The following COL27A1 variants were observed in gnomAD, a reference collection of about 807,000 sequenced individuals.
The protein encoded by COL27A1 is collagen alpha-1(XXVII) chain.
Under a neutral mutation model 251.3 loss-of-function variants are expected in COL27A1, and 106 were observed. The ratio of observed to expected loss-of-function variants is 0.42; its 90% CI spans 0.36 to 0.50. The LOEUF is 0.50. COL27A1 is among the 20% of genes least tolerant of loss of function. The pLI is 0.00. For synonymous variants in COL27A1, 1,000 were observed against 986.3 expected, an observed-to-expected ratio of 1.01 and a Z score of -0.26; for missense variants, 2,325 against 2,522.8, an observed-to-expected ratio of 0.92 and a Z score of 1.68.
chr9:114,211,292 A>G (rs1324848789), intron 12 of COL27A1, among the ~76,000 whole-genome samples: 2 of 152,120 alleles, frequency 1.3e-5, no homozygotes, highest in East Asian at 3.9e-4. Context: ...TCTCCAGTGC[A>G]GTTCTGTGTC....
chr9:114,173,322 C>T (rs1238480396), intron 3 of COL27A1, among the ~76,000 whole-genome samples: 2 of 152,268 alleles, frequency 1.3e-5, no homozygotes, highest in African/African-American at 4.8e-5. Flanking sequence ...GGGCCTGGCC[C>T]ACACCACGTG....
In COL27A1 at chr9:114,235,581, T is replaced by C. The variant is rs1163802269; in HGVS notation, c.2566-18T>C. 2.5e-6 allele frequency: 4 copies of C among 1,611,030 alleles called. No homozygotes were observed. Among genetic ancestry groups the C allele is most frequent in the Non-Finnish European group, 3.4e-6 (4 of 1,177,350 alleles). ...CACGTGGCCTCCATTGTAACCTTCT[T>C]TGCTGGTGTGTACTTAGGGTGAACA... On this transcript the variant is annotated intron_variant, in intron 16 of 60. Transcript: ENST00000356083.
chr9:114,300,238 C>T, intron 50 of COL27A1, 115 bp downstream of exon 50: 1 of 1,118,076 alleles, frequency 8.9e-7, no homozygotes, highest in South Asian at 1.4e-5. Flanking sequence ...TGGAAAACAG[C>T]CAGAATCAGG....
chr9:114,265,541 G>A, intron 32 of COL27A1, 66 bp downstream of exon 32: 1 of 1,509,340 alleles, frequency 6.6e-7, no homozygotes, highest in Non-Finnish European at 9.2e-7. Context: ...GGGCCAGGTG[G>A]TCAGATAAGG....
At chr9:114,302,201 G>C (rs1184812654) in intron 56 of COL27A1, 93 bp downstream of exon 56, 8 of 1,099,284 alleles carry the variant, frequency 7.3e-6, no homozygotes, top group African/African-American at 4.6e-5. Flanking sequence ...CTGGTGGCTA[G>C]AGCCCTAAGC....
rs1827966178 is a variant in COL27A1 at position 114,292,168 on chromosome 9, G to A, written c.4542G>A (p.Gly1514=). 1 of 1,559,996 alleles carries A rather than the reference G, an allele frequency of 6.4e-7. No individual in the cohort carries two copies. The highest frequency in any genetic ancestry group is 1.4e-5 in the African/African-American group (1 of 73,538). Residue 1514 remains glycine (G), a synonymous_variant, in exon 49 of 61, where the codon GGG becomes GGA. Coordinates refer to ENST00000356083, the MANE Select transcript of COL27A1 (RefSeq NM_032888.4). ...PGKRGTEGRT[G]LPGNQGEPGS... ...AGCGAGGAACAGAGGGCAGAACGGG[G>A]CTCCCTGGAAACCAGGGGGAGCCTG...
At chr9:114,276,843 A>G (rs1173137210) in intron 37 of COL27A1, among the ~76,000 whole-genome samples, 1 of 152,194 alleles carries the variant, frequency 6.6e-6, no homozygotes, top group Non-Finnish European at 1.5e-5. Flanking sequence ...TAGGGAAGGG[A>G]GCAGAATTCT....
chr9:114,163,849 C>T (rs943133978), intron 2 of COL27A1, among the ~76,000 whole-genome samples: 3 of 149,144 alleles, frequency 2.0e-5, no homozygotes, highest in Admixed American at 6.8e-5. Context: ...CTGAGTCAGT[C>T]ACTGGGGCGG....
In COL27A1 at chr9:114,290,478, A is replaced by G. The variant is rs1285055687; in HGVS notation, c.4368+147A>G. 1 of 742,738 alleles carries G rather than the reference A, an allele frequency of 1.3e-6. No homozygotes were observed. Among genetic ancestry groups the G allele is most frequent in the East Asian group, 2.7e-5 (1 of 37,418 alleles). 46.0% of individuals were successfully genotyped at this position (742,738 alleles called of 1,614,324 possible). On this transcript the variant is annotated intron_variant, in intron 47 of 60. Coordinates refer to ENST00000356083, the MANE Select transcript of COL27A1 (RefSeq NM_032888.4). The surrounding 1 kb of genome is among the most constrained non-coding windows in gnomAD (Gnocchi z 4.6). ...CAGAAGTTCTCTGGGGTGGGCAACC[A>G]TCTCCTCCCCTGGCACCTGGGAGTG...
intron 14 of COL27A1, among the ~76,000 whole-genome samples, chr9:114,225,919 G>A (rs923272574): frequency 6.6e-6 from 1 of 152,156 alleles, no homozygotes; most frequent in Non-Finnish European, 1.5e-5. Context: ...TTGCGAAGCC[G>A]AGGTCACCAG....
At chr9:114,165,126 G>A (rs1038278462) in intron 2 of COL27A1, among the ~76,000 whole-genome samples, 35 of 152,160 alleles carry the variant, frequency 2.3e-4, no homozygotes, top group African/African-American at 6.8e-4. Flanking sequence ...TGGTGTAGGC[G>A]CACTTTATAG....
chr9:114,272,144 A>C (rs1401745477), intron 36 of COL27A1: 1 of 152,248 alleles, frequency 6.6e-6, no homozygotes, highest in Non-Finnish European at 1.5e-5. Context: ...CCACCCACCC[A>C]AAGGGCTTTA....
intron 34 of COL27A1, among the ~76,000 whole-genome samples, chr9:114,268,293 C>T (rs1262746445): frequency 6.7e-6 from 1 of 149,498 alleles, no homozygotes; most frequent in Non-Finnish European, 1.5e-5. Flanking sequence ...AATGAAGAAA[C>T]CACCCCACGT....
At chr9:114,308,047 C>G (rs1203114911) in intron 59 of COL27A1, among the ~76,000 whole-genome samples, 1 of 152,220 alleles carries the variant, frequency 6.6e-6, no homozygotes, top group African/African-American at 2.4e-5. Flanking sequence ...TAAAGCAGAG[C>G]AGTTGGCCAA....
chr9:114,250,032 C>T (rs752075284), intron 24 of COL27A1, among the ~76,000 whole-genome samples: 15 of 152,176 alleles, frequency 9.9e-5, no homozygotes, highest in Non-Finnish European at 1.9e-4. Flanking sequence ...CCCCCTGGAA[C>T]CCAGAGGCAA....
At chr9:114,181,668 AT>A (rs1827930877) in intron 4 of COL27A1, among the ~76,000 whole-genome samples, 1 of 152,156 alleles carries the variant, frequency 6.6e-6, no homozygotes, top group South Asian at 2.1e-4. Context: ...CTCTATTTAT[AT>A]TACTGTGCTG....
At chr9:114,307,835 C>T (rs1380603760) in intron 59 of COL27A1, 57 bp downstream of exon 59, 28 of 1,329,850 alleles carry the variant, frequency 2.1e-5, no homozygotes, top group Non-Finnish European at 2.9e-5. Context: ...CCCAGCCTGC[C>T]CTGGGCCACA....
At chr9:114,287,869 C>T (rs7037272) in intron 41 of COL27A1, among the ~76,000 whole-genome samples, 3,542 of 152,270 alleles carry the variant, frequency 0.023, 153 homozygotes, top group African/African-American at 0.08. Flanking sequence ...ATCATCTCTC[C>T]GAGCCTCATC....
At chr9:114,308,338 G>A (rs528268775) in intron 59 of COL27A1, among the ~76,000 whole-genome samples, 1 of 152,316 alleles carries the variant, frequency 6.6e-6, no homozygotes, top group East Asian at 1.9e-4. Context: ...TTCCGAATTT[G>A]GGGGCAATTT....
Sources: gnomAD v4.1 joint callset for allele counts (sites outside exome capture counted in the v4.1 genomes callset) on GRCh38, gnomAD v4.1.1 for gene constraint, Gnocchi (gnomAD v3.1) non-coding constraint, MANE v1.5 for transcripts, NCBI Gene and HGNC (gene_info 2026-07-23, HGNC 2026-07-21) for gene names.